The following MCTP2 variants were observed in gnomAD, a reference collection of about 807,000 sequenced individuals.
The protein encoded by MCTP2 is multiple C2 and transmembrane domain-containing protein 2.
A neutral mutation model predicts 111.6 loss-of-function variants in MCTP2; 132 were observed. The ratio of observed to expected loss-of-function variants is 1.18; its 90% CI spans 1.03 to 1.37. The LOEUF is 1.37. Ranked by LOEUF, MCTP2 falls within the 40% of genes most tolerant of loss-of-function variation. MCTP2 has a pLI of 0.00. For synonymous variants in MCTP2, 395 were observed against 387.7 expected (o/e 1.02, Z -0.22); for missense variants, 1,183 against 1,067.9 (o/e 1.11, Z -1.50).
At chr15:94,277,918 T>C (rs920598712) in intron 1 of MCTP2, among the ~76,000 whole-genome samples, 9 of 152,026 alleles carry the variant, frequency 5.9e-5, no homozygotes, top group African/African-American at 2.2e-4. Context: ...AGCGAAGAAA[T>C]GTATGTTAAA....
chr15:94,412,736 GCT>G (rs1337146669), intron 17 of MCTP2, among the ~76,000 whole-genome samples: 1 of 151,930 alleles, frequency 6.6e-6, no homozygotes, highest in African/African-American at 2.4e-5. Flanking sequence ...TCTGGGTTAA[GCT>G]AGGTACATGC....
intron 1 of MCTP2, among the ~76,000 whole-genome samples, chr15:94,250,026 T>C (rs2072298561): frequency 6.6e-6 from 1 of 152,022 alleles, no homozygotes; most frequent in Non-Finnish European, 1.5e-5. Flanking sequence ...TTGGAAAAAA[T>C]CAGCCATCAG....
intron 20 of MCTP2, among the ~76,000 whole-genome samples, chr15:94,462,066 AT>A (rs2152530450): frequency 6.6e-6 from 1 of 152,322 alleles, no homozygotes; most frequent in East Asian, 1.9e-4. Context: ...AGTAGTTTTC[AT>A]TTCCCTGGGA....
intron 1 of MCTP2, among the ~76,000 whole-genome samples, chr15:94,283,646 T>C (rs1265013478): frequency 6.6e-6 from 1 of 152,140 alleles, no homozygotes; most frequent in Non-Finnish European, 1.5e-5. Flanking sequence ...GCTTCTTACC[T>C]TTCAGCCTGG....
chr15:94,303,736 C>T (rs1035867925), intron 2 of MCTP2, among the ~76,000 whole-genome samples: 5 of 152,128 alleles, frequency 3.3e-5, no homozygotes, highest in Non-Finnish European at 7.4e-5. Flanking sequence ...AGCAAACTTA[C>T]TTCATATTCA....
chr15:94,356,324 G>C (rs1334232733), intron 9 of MCTP2, 23 bp downstream of exon 9: 1 of 1,526,870 alleles, frequency 6.5e-7, no homozygotes, highest in Non-Finnish European at 8.8e-7. Context: ...TTTTCCATAA[G>C]GAGAACAGTA....
intron 4 of MCTP2, among the ~76,000 whole-genome samples, chr15:94,325,261 G>T (rs1277672929): frequency 1.3e-5 from 2 of 152,144 alleles, no homozygotes; most frequent in African/African-American, 4.8e-5. Context: ...AGACTTGGTG[G>T]TGGTCGTGGG....
chr15:94,437,155 C>CAAAAAAAAAAAAAAAAAAAAA (rs11352999), intron 17 of MCTP2, among the ~76,000 whole-genome samples: 1 of 69,560 alleles, frequency 1.4e-5, no homozygotes, highest in South Asian at 5.2e-4. Flanking sequence ...CTTACACATC[C>CAAAAAAAAAAAAAAAAAAAAA]AAAAAAAAAA....
At chr15:94,341,087 A>G (rs990267939) in intron 7 of MCTP2, 163 bp downstream of exon 7, 11 of 544,752 alleles carry the variant, frequency 2.0e-5, no homozygotes, top group Non-Finnish European at 3.6e-5. Flanking sequence ...TTTTAATACA[A>G]TGCTCTTCTT....
chr15:94,296,544 G>A (rs74030929), intron 1 of MCTP2, among the ~76,000 whole-genome samples: 4,779 of 152,318 alleles, frequency 0.031, 269 homozygotes, highest in African/African-American at 0.11. Context: ...GGGAATAACA[G>A]TGAGACACAG....
chr15:94,363,059 A>G (rs1034528910), intron 10 of MCTP2, among the ~76,000 whole-genome samples: 2 of 152,326 alleles, frequency 1.3e-5, no homozygotes, highest in Non-Finnish European at 2.9e-5. Flanking sequence ...CCTTTCCTAC[A>G]TAGGGGAAGA....
chr15:94,277,829 A>G (rs539502390), intron 1 of MCTP2, among the ~76,000 whole-genome samples: 19 of 152,318 alleles, frequency 1.2e-4, no homozygotes, highest in African/African-American at 4.3e-4. Flanking sequence ...CTATAGATTT[A>G]GTTGTTAATC....
chr15:94,371,085 C>A (rs528390619), intron 12 of MCTP2, among the ~76,000 whole-genome samples: 1 of 151,182 alleles, frequency 6.6e-6, no homozygotes, highest in African/African-American at 2.4e-5. Flanking sequence ...TAGTTTTCAG[C>A]GCATTATATT....
At chr15:94,440,920 C>T (rs1442329741) in intron 18 of MCTP2, among the ~76,000 whole-genome samples, 1 of 152,212 alleles carries the variant, frequency 6.6e-6, no homozygotes, top group Non-Finnish European at 1.5e-5. Context: ...CTCTGACTCT[C>T]CTGCTCCTGG....
chr15:94,403,035 G>C (rs528442677), intron 17 of MCTP2: 4 of 990,146 alleles, frequency 4.0e-6, no homozygotes, highest in Non-Finnish European at 4.8e-6. Flanking sequence ...ATGGGTTCAA[G>C]GTCACTCCCA....
intron 17 of MCTP2, among the ~76,000 whole-genome samples, chr15:94,407,714 T>C (rs1296106060): frequency 2.0e-5 from 3 of 151,654 alleles, no homozygotes; most frequent in African/African-American, 7.3e-5. Flanking sequence ...TAATTTCACA[T>C]AGAACTTAAA....
intron 9 of MCTP2, among the ~76,000 whole-genome samples, 161 bp from the exon 10 acceptor site, chr15:94,358,321 C>G (rs1201910034): frequency 6.6e-6 from 1 of 152,114 alleles, no homozygotes; most frequent in Non-Finnish European, 1.5e-5. Flanking sequence ...AGTTCTTGAA[C>G]CCACCAAGTC....
chr15:94,366,127 ATATT>A lies in MCTP2; in HGVS notation c.1302-1473_1302-1470del, dbSNP rs753880903. 1.5e-4 allele frequency among the ~76,000 whole-genome samples: 23 copies of A among 152,318 alleles called. No individual in the cohort carries two copies. The South Asian group carries it at 2.3e-3, about 15-fold the overall frequency. On this transcript the variant is annotated intron_variant, in intron 10 of 22. Coordinates refer to ENST00000357742, the MANE Select transcript of MCTP2 (RefSeq NM_001385001.1). Reference sequence around the variant, plus strand: ...CTTACATCATGCTTATGAAATAAAAATATTTATTAACCTATATTTTCATAGATAG... The same window carrying A: ...CTTACATCATGCTTATGAAATAAAAATATTAACCTATATTTTCATAGATAG...
intron 14 of MCTP2, among the ~76,000 whole-genome samples, chr15:94,388,078 A>C (rs2080621022): frequency 6.6e-6 from 1 of 152,200 alleles, no homozygotes; most frequent in South Asian, 2.1e-4. Flanking sequence ...AAAGTGAAAA[A>C]GGTTGAAGTA....
Sources: allele counts gnomAD v4.1 joint callset (sites outside exome capture counted in the v4.1 genomes callset), GRCh38; gene constraint gnomAD v4.1.1; transcripts MANE v1.5; gene names NCBI Gene and HGNC (gene_info 2026-07-23, HGNC 2026-07-21).